SMPD3: variants seen among roughly 807,000 people sequenced by gnomAD.
SMPD3 encodes the protein nSMase-2.
In SMPD3, 21 loss-of-function variants were observed where a neutral mutation model predicts 55.7. That is an observed-to-expected ratio of 0.38 (90% CI 0.27 to 0.54). The LOEUF (loss-of-function observed/expected upper bound fraction) is 0.54, where lower values mean the gene tolerates loss of function less well. Among genes scored for constraint, SMPD3 ranks in the 20% least tolerant of loss-of-function variants. The pLI is 0.80. For synonymous variants in SMPD3, 457 were observed against 404.3 expected, an observed-to-expected ratio of 1.13 and a Z score of -1.56; for missense variants, 842 against 899.6, an observed-to-expected ratio of 0.94 and a Z score of 0.82.
At chr16:68,398,741 G>A (rs577251738) in intron 1 of SMPD3, among the ~76,000 whole-genome samples, 1 of 152,300 alleles carries the variant, frequency 6.6e-6, no homozygotes, top group East Asian at 1.9e-4. Flanking sequence ...GAATCTCCAT[G>A]TTCCCAAGTT....
Position 68,372,278 on chromosome 16 carries a change from G to A in SMPD3, c.-97C>T, listed in dbSNP as rs1020868446. Reference sequence around the variant, plus strand: ...GAGGGTGGGCGAGTTGGGGGCAGCTGGAGGAGGGGTCACCTCCTGGCGAGA... The same window carrying A: ...GAGGGTGGGCGAGTTGGGGGCAGCTAGAGGAGGGGTCACCTCCTGGCGAGA... On this transcript the variant is annotated 5_prime_UTR_variant, in exon 3 of 9. Coordinates refer to ENST00000219334, the MANE Select transcript of SMPD3 (RefSeq NM_018667.4). 14 of 1,490,768 alleles carry A rather than the reference G, an allele frequency of 9.4e-6. No individual in the cohort carries two copies. The South Asian group carries it at 1.6e-4, about 17-fold the overall frequency. 92.3% of individuals were successfully genotyped at this position (1,490,768 alleles called of 1,614,324 possible). A position where few individuals can be genotyped will look rare whatever the true frequency, so the allele number is the denominator to read the frequency against.
chr16:68,444,602 A>G (rs989697087), intron 1 of SMPD3, among the ~76,000 whole-genome samples: 1 of 152,262 alleles, frequency 6.6e-6, no homozygotes, highest in African/African-American at 2.4e-5. Context: ...GTTTGGCTTC[A>G]GTACAAGGAT....
intron 1 of SMPD3, among the ~76,000 whole-genome samples, chr16:68,432,867 C>T (rs754120038): frequency 2.6e-5 from 4 of 152,086 alleles, no homozygotes; most frequent in East Asian, 1.9e-4. Flanking sequence ...TGCAGTGGTG[C>T]GATTATGGCT....
rs1276549321 is a variant in SMPD3 at position 68,447,408 on chromosome 16, G to T, written c.-269+945C>A. 1.3e-5 allele frequency among the ~76,000 whole-genome samples: 2 copies of T among 152,164 alleles called. No individual in the cohort carries two copies. The highest frequency in any genetic ancestry group is 2.4e-5 in the African/African-American group (1 of 41,442). ...CCCCCAGCTGCGGTGCCAGAGGCTC[G>T]GTCCCCGGGGCGTGGTGGGCTAGGG... On this transcript the variant is annotated intron_variant, in intron 1 of 8. Coordinates refer to ENST00000219334, the MANE Select transcript of SMPD3 (RefSeq NM_018667.4). The surrounding 1 kb of genome is among the most constrained non-coding windows in gnomAD (Gnocchi z 5.1).
intron 8 of SMPD3, 36 bp downstream of exon 8, chr16:68,361,567 T>C (rs767888357): frequency 1.4e-4 from 217 of 1,601,166 alleles, no homozygotes; most frequent in Non-Finnish European, 1.7e-4. Flanking sequence ...TGCTCTCTCT[T>C]TGCATGGCCC....
intron 1 of SMPD3, among the ~76,000 whole-genome samples, chr16:68,448,109 G>A (rs1412393826): frequency 1.3e-5 from 2 of 152,174 alleles, no homozygotes; most frequent in Non-Finnish European, 2.9e-5. Flanking sequence ...GGAGAGATGG[G>A]GGGTGGGGGT....
intron 1 of SMPD3, among the ~76,000 whole-genome samples, chr16:68,428,417 G>A (rs1043521819): frequency 5.9e-5 from 9 of 152,146 alleles, no homozygotes; most frequent in African/African-American, 1.7e-4. Context: ...CCTTCACCCC[G>A]CTCCTGCCCC....
chr16:68,362,943 C>CTGTG (rs1204907691), intron 7 of SMPD3, among the ~76,000 whole-genome samples: 2 of 152,206 alleles, frequency 1.3e-5, no homozygotes, highest in Non-Finnish European at 2.9e-5. Flanking sequence ...CAGTCTCGGG[C>CTGTG]TGTGAATTAT....
intron 1 of SMPD3, among the ~76,000 whole-genome samples, chr16:68,428,162 T>C (rs2152028151): frequency 6.6e-6 from 1 of 152,244 alleles, no homozygotes; most frequent in African/African-American, 2.4e-5. Flanking sequence ...GGAGACAAAC[T>C]CACTTGACTT....
At chr16:68,406,335 T>C (rs2090254408) in intron 1 of SMPD3, among the ~76,000 whole-genome samples, 1 of 152,222 alleles carries the variant, frequency 6.6e-6, no homozygotes. Context: ...AACACTTTCT[T>C]ATAGAAAATA....
chr16:68,363,727 A>G, intron 6 of SMPD3, 50 bp downstream of exon 6: 1 of 1,513,544 alleles, frequency 6.6e-7, no homozygotes, highest in Non-Finnish European at 8.9e-7. Flanking sequence ...TCTTTGAGGG[A>G]AGTCTGTGGG....
chr16:68,362,746 G>A (rs2089348910), intron 7 of SMPD3, among the ~76,000 whole-genome samples: 1 of 152,232 alleles, frequency 6.6e-6, no homozygotes, highest in East Asian at 1.9e-4. Flanking sequence ...GCTCAGAAAT[G>A]GAATCCATCA....
chr16:68,423,817 A>G (rs2090415063), intron 1 of SMPD3, among the ~76,000 whole-genome samples: 2 of 152,060 alleles, frequency 1.3e-5, no homozygotes, highest in African/African-American at 4.8e-5. Context: ...CTGAGCATGA[A>G]AGAACAGACT....
Position 68,401,420 on chromosome 16 carries a change from C to T in SMPD3, c.-268-14761G>A, listed in dbSNP as rs552621961. ...AGAAAATGCAAGACTTGAGTTTGGG[C>T]GGTTGGGGTTGGAAGTGGAATTGGG... On this transcript the variant is annotated intron_variant, in intron 1 of 8. Transcript: ENST00000219334. Among the ~76,000 whole-genome samples, 82 of 151,392 alleles carry T rather than the reference C, an allele frequency of 5.4e-4. 2 individuals are homozygous for T. The highest frequency in any genetic ancestry group is 4.0e-4 in the Non-Finnish European group (27 of 67,894).
chr16:68,434,925 G>T (rs1242227668), intron 1 of SMPD3, among the ~76,000 whole-genome samples: 2 of 152,168 alleles, frequency 1.3e-5, no homozygotes, highest in African/African-American at 4.8e-5. Flanking sequence ...GCTCCAGGAA[G>T]GGAGTCCTGC....
chr16:68,417,627 G>A (rs2090349688), intron 1 of SMPD3, among the ~76,000 whole-genome samples: 1 of 152,154 alleles, frequency 6.6e-6, no homozygotes, highest in Non-Finnish European at 1.5e-5. Flanking sequence ...GAAGAGATTG[G>A]GCTTTCTTTG....
chr16:68,365,773 G>A (rs144427313), intron 3 of SMPD3, among the ~76,000 whole-genome samples: 203 of 152,228 alleles, frequency 1.3e-3, no homozygotes, highest in African/African-American at 4.5e-3. Flanking sequence ...CCTCTGCCCC[G>A]ACCTCCTGCT....
chr16:68,444,371 T>C (rs900828271), intron 1 of SMPD3, among the ~76,000 whole-genome samples: 2 of 152,318 alleles, frequency 1.3e-5, no homozygotes, highest in Admixed American at 6.5e-5. Context: ...AGGGCTGCAG[T>C]CTCATTTCCA....
Position 68,361,152 on chromosome 16 carries a change from C to T in SMPD3, c.*54G>A. 6.5e-7 allele frequency: 1 copy of T among 1,537,536 alleles called. No homozygotes were observed. Among genetic ancestry groups the T allele is most frequent in the Non-Finnish European group, 8.9e-7 (1 of 1,119,304 alleles). ...GGCACTCGATGGAGGGGACATGGCCCAGGGATGGGCTGCAGCTGCAAGGGC... is the reference window on the plus strand; with the variant it reads ...GGCACTCGATGGAGGGGACATGGCCTAGGGATGGGCTGCAGCTGCAAGGGC... On this transcript the variant is annotated 3_prime_UTR_variant, in exon 9 of 9. Transcript: ENST00000219334.
Sources: gnomAD v4.1 joint callset for allele counts (sites outside exome capture counted in the v4.1 genomes callset) on GRCh38, gnomAD v4.1.1 for gene constraint, Gnocchi (gnomAD v3.1) non-coding constraint, MANE v1.5 for transcripts, NCBI Gene and HGNC (gene_info 2026-07-23, HGNC 2026-07-21) for gene names.